The following SMAD1 variants were observed in gnomAD, a reference collection of about 807,000 sequenced individuals.
SMAD1 encodes SMAD family member 1, also known as MAD, mothers against decapentaplegic homolog 1.
Under a neutral mutation model 41.6 loss-of-function variants are expected in SMAD1, and 6 were observed. The ratio of observed to expected loss-of-function variants is 0.14; its 90% CI spans 0.08 to 0.28. The LOEUF is 0.28. SMAD1 is among the 10% of genes least tolerant of loss of function. SMAD1 has a pLI of 1.00. For synonymous variants in SMAD1, 206 were observed against 203.2 expected (o/e 1.01, Z -0.12); for missense variants, 379 against 582.6 (o/e 0.65, Z 3.60).
rs1560738390 is a variant in SMAD1 at position 145,514,116 on chromosome 4, CACCT to C, written c.-176-321_-176-318del. Among the ~76,000 whole-genome samples the C allele has an allele frequency of 6.6e-6, 1 of 152,114 alleles. No individual in the cohort carries two copies. Among genetic ancestry groups the C allele is most frequent in the Non-Finnish European group, 1.5e-5 (1 of 68,012 alleles). On this transcript the variant is annotated intron_variant, in intron 1 of 6. Transcript: ENST00000302085. This position sits in a 1 kb window ranked among gnomAD's most constrained non-coding sequence, Gnocchi z 4.7. The stretch of plus-strand genomic sequence containing the variant: ...GCTCTCTTCCTGGCTTGCAGATGAT[CACCT>C]TCTTGCAGTACCCTCAGTGTGTGTG...
intron 2 of SMAD1, among the ~76,000 whole-genome samples, chr4:145,522,020 A>G (rs1465345774): frequency 2.0e-5 from 3 of 152,226 alleles, no homozygotes; most frequent in Non-Finnish European, 4.4e-5. Flanking sequence ...AATATTTTAT[A>G]AAACAGGCTG....
At chr4:145,489,382 C>T (rs1452166965) in intron 1 of SMAD1, among the ~76,000 whole-genome samples, 1 of 151,820 alleles carries the variant, frequency 6.6e-6, no homozygotes, top group African/African-American at 2.4e-5. Flanking sequence ...GAGCCCAGTG[C>T]CAGGAGATCA....
chr4:145,506,096 C>T (rs920705426), intron 1 of SMAD1, among the ~76,000 whole-genome samples: 20 of 152,046 alleles, frequency 1.3e-4, no homozygotes, highest in African/African-American at 4.8e-4. Context: ...CCTCCTCGGT[C>T]TCCCAAAGTG....
intron 4 of SMAD1, among the ~76,000 whole-genome samples, chr4:145,543,540 C>T (rs1405807333): frequency 6.6e-6 from 1 of 152,178 alleles, no homozygotes; most frequent in Non-Finnish European, 1.5e-5. Flanking sequence ...AGTTTTTCCC[C>T]TTCTCAGCCT....
intron 2 of SMAD1, among the ~76,000 whole-genome samples, chr4:145,526,886 T>C (rs1456065077): frequency 2.0e-5 from 3 of 152,166 alleles, no homozygotes; most frequent in African/African-American, 7.2e-5. Flanking sequence ...GGTTAGTCAT[T>C]TGTCCTCTTT....
At chr4:145,512,458 C>T (rs1025693258) in intron 1 of SMAD1, among the ~76,000 whole-genome samples, 9 of 152,160 alleles carry the variant, frequency 5.9e-5, no homozygotes, top group African/African-American at 2.2e-4. Context: ...TTAGTATGAG[C>T]ATTTTTTACC....
chr4:145,535,741 G>GT (rs1731576355), intron 2 of SMAD1, among the ~76,000 whole-genome samples: 1 of 152,044 alleles, frequency 6.6e-6, no homozygotes, highest in African/African-American at 2.4e-5. Flanking sequence ...GGAGTATATT[G>GT]TTTTGACTTT....
chr4:145,512,457 G>T (rs910087228), intron 1 of SMAD1, among the ~76,000 whole-genome samples: 6 of 151,992 alleles, frequency 3.9e-5, no homozygotes, highest in African/African-American at 1.5e-4. Flanking sequence ...ATTAGTATGA[G>T]CATTTTTTAC....
At chr4:145,488,476 T>TTG (rs60369536) in intron 1 of SMAD1, among the ~76,000 whole-genome samples, 52,765 of 148,536 alleles carry the variant, frequency 0.36, 10,411 homozygotes, top group Non-Finnish European at 0.47. Flanking sequence ...CCCTGTCTTT[T>TTG]TGTGTGTGTG....
At chr4:145,481,159 T>C (rs1728156546), upstream of SMAD1, 1 of 152,138 alleles carries the variant, frequency 6.6e-6, no homozygotes, top group Non-Finnish European at 1.5e-5. Flanking sequence ...ACCAAAAATG[T>C]GGAGTTCTAA....
chr4:145,556,488 G>A (rs572331439), intron 6 of SMAD1, among the ~76,000 whole-genome samples: 3 of 150,896 alleles, frequency 2.0e-5, no homozygotes, highest in Admixed American at 1.3e-4. Context: ...AGACAGTCTC[G>A]CTCTGTCGCC....
intron 1 of SMAD1, among the ~76,000 whole-genome samples, chr4:145,503,241 G>C (rs965119700): frequency 6.6e-6 from 1 of 152,050 alleles, no homozygotes; most frequent in Non-Finnish European, 1.5e-5. Context: ...GTTTGTGATG[G>C]TAGGACTCTC....
At chr4:145,505,769 T>C (rs1729740662) in intron 1 of SMAD1, among the ~76,000 whole-genome samples, 1 of 152,176 alleles carries the variant, frequency 6.6e-6, no homozygotes, top group Admixed American at 6.5e-5. Flanking sequence ...TATCTGGCGA[T>C]GTAAGTCTGG....
rs758779528 is a variant in SMAD1 at position 145,553,837 on chromosome 4, A to G, written c.1051A>G (p.Ser351Gly). Residue 351 changes from serine to glycine, a missense_variant, in exon 6 of 7, where the codon AGT (serine) becomes GGT (glycine). Coordinates refer to ENST00000302085, the MANE Select transcript of SMAD1 (RefSeq NM_005900.3). ...GEVYAECLSD[S>G]SIFVQSRNCN... ...GGTGTATGCCGAATGCCTTAGTGAC[A>G]GTAGCATCTTTGTGCAAAGTCGGAA... The G allele has an allele frequency of 4.3e-6, 7 of 1,613,958 alleles. No individual in the cohort carries two copies. The South Asian group carries it at 4.4e-5, about 10-fold the overall frequency.
At chr4:145,552,393 T>G (rs1431036208) in intron 5 of SMAD1, among the ~76,000 whole-genome samples, 1 of 152,204 alleles carries the variant, frequency 6.6e-6, no homozygotes, top group Admixed American at 6.5e-5. Flanking sequence ...GGTGGATCAT[T>G]TAAACCCACA....
chr4:145,496,074 A>T (rs975261797), intron 1 of SMAD1, among the ~76,000 whole-genome samples: 1 of 152,134 alleles, frequency 6.6e-6, no homozygotes. Flanking sequence ...TCTTTAGATT[A>T]AAGTGAATTT....
chr4:145,504,136 A>G (rs986002592), intron 1 of SMAD1, among the ~76,000 whole-genome samples: 9 of 152,212 alleles, frequency 5.9e-5, no homozygotes. Context: ...GTTTATATAA[A>G]TTAGCTGATG....
intron 1 of SMAD1, among the ~76,000 whole-genome samples, chr4:145,510,552 T>G (rs901371439): frequency 6.6e-6 from 1 of 152,188 alleles, no homozygotes; most frequent in African/African-American, 2.4e-5. Flanking sequence ...ATGTTTTTAT[T>G]GATTTAGTTA....
rs752990216 is a variant in SMAD1 at position 145,557,778 on chromosome 4, A to T, written c.1255-13A>T. On this transcript the variant is annotated splice_polypyrimidine_tract_variant and intron_variant, in intron 6 of 6. Coordinates refer to ENST00000302085, the MANE Select transcript of SMAD1 (RefSeq NM_005900.3). ...TTAAACAAGTTAAATGACCTCCAGT[A>T]TGTTTTTCCTAGGGCTGGGGAGCAG... 2 of 1,597,254 alleles carry T rather than the reference A, an allele frequency of 1.3e-6. No homozygotes were observed. The highest frequency in any genetic ancestry group is 2.2e-5 in the East Asian group (1 of 44,658).
Sources: gnomAD v4.1 joint callset for allele counts (sites outside exome capture counted in the v4.1 genomes callset) on GRCh38, gnomAD v4.1.1 for gene constraint, Gnocchi (gnomAD v3.1) non-coding constraint, MANE v1.5 for transcripts, NCBI Gene and HGNC (gene_info 2026-07-23, HGNC 2026-07-21) for gene names.